Variants in FAM117A observed in about 807,000 individuals in gnomAD.
The protein encoded by FAM117A is protein FAM117A.
A neutral mutation model predicts 44.1 loss-of-function variants in FAM117A; 21 were observed. That is an observed-to-expected ratio of 0.48 (90% CI 0.34 to 0.69). The LOEUF is 0.69. Ranked by LOEUF, FAM117A falls within the 30% of genes least tolerant of loss-of-function variation. The pLI, the probability that FAM117A is intolerant of heterozygous loss-of-function variation, is 0.01. For missense variants in FAM117A, 498 were observed against 589.9 expected (o/e 0.84, Z 1.61); for synonymous variants, 220 against 238.3 (o/e 0.92, Z 0.71).
chr17:49,719,589 A>G (rs887323949), intron 5 of FAM117A, 171 bp downstream of exon 5: 2 of 812,716 alleles, frequency 2.5e-6, no homozygotes, highest in East Asian at 6.0e-5. Context: ...GGTTAAGGCC[A>G]TTTGAGACTA....
chr17:49,713,307 G>A (rs531108272), intron 7 of FAM117A, among the ~76,000 whole-genome samples: 1 of 152,304 alleles, frequency 6.6e-6, no homozygotes, highest in East Asian at 1.9e-4. Context: ...ATTCCTTACT[G>A]TATGGCCAAG....
chr17:49,735,812 A>C (rs1310220654), intron 1 of FAM117A, among the ~76,000 whole-genome samples: 1 of 152,148 alleles, frequency 6.6e-6, no homozygotes, highest in Non-Finnish European at 1.5e-5. Context: ...CAATTTGGAC[A>C]TCAAAAATGT....
At chr17:49,739,341 T>C (rs910722378) in intron 1 of FAM117A, among the ~76,000 whole-genome samples, 2 of 152,158 alleles carry the variant, frequency 1.3e-5, no homozygotes, top group Non-Finnish European at 2.9e-5. Context: ...CCATTTTTAA[T>C]GTCAAAGCCC....
upstream of FAM117A, among the ~76,000 whole-genome samples, chr17:49,764,556 G>C (rs1479184140): frequency 6.6e-6 from 1 of 152,170 alleles, no homozygotes; most frequent in East Asian, 1.9e-4. Context: ...GCGGGAGTAG[G>C]GAGCAGTGTC....
chr17:49,783,407 AT>A lies in FAM117A; in HGVS notation c.-621+5089del, dbSNP rs113094953. Among the ~76,000 whole-genome samples the A allele has an allele frequency of 8.8e-3, 1,297 of 147,538 alleles. 20 individuals are homozygous for A. The highest frequency in any genetic ancestry group is 0.029 in the African/African-American group (1,191 of 40,434). On this transcript the variant is annotated intron_variant, in intron 1 of 7. Transcript: ENST00000513602. ...CTGCTATTGAATCAAGATCAGAGTG[AT>A]TTTTTTTTTTAGCGATTTTCAAAAT...
intron 1 of FAM117A, among the ~76,000 whole-genome samples, chr17:49,745,290 C>T (rs2073650711): frequency 6.6e-6 from 1 of 152,154 alleles, no homozygotes; most frequent in South Asian, 2.1e-4. Flanking sequence ...CTCATGTCAA[C>T]ACTCACATCT....
At chr17:49,754,323 G>A (rs1430462399) in intron 1 of FAM117A, among the ~76,000 whole-genome samples, 2 of 149,000 alleles carry the variant, frequency 1.3e-5, no homozygotes, top group African/African-American at 2.5e-5. Flanking sequence ...TTTTTTTTTC[G>A]AGATGGAGTC....
intron 1 of FAM117A, among the ~76,000 whole-genome samples, chr17:49,749,575 CAAAAAAAAAAAAAA>C (rs1167215497): frequency 2.2e-5 from 1 of 45,862 alleles, no homozygotes; most frequent in Admixed American, 2.1e-4. Context: ...GACTCCGTCT[CAAAAAAAAAAAAAA>C]AAAAAAAAAA....
Position 49,764,078 on chromosome 17 carries a change from C to G in FAM117A, c.10G>C (p.Ala4Pro). 1.6e-6 allele frequency: 2 copies of G among 1,259,786 alleles called. No individual in the cohort carries two copies. The highest frequency in any genetic ancestry group is 2.0e-6 in the Non-Finnish European group (2 of 998,380). 78.0% of individuals were successfully genotyped at this position (1,259,786 alleles called of 1,614,324 possible). ...CCTCCGCCTCTGCCGCCCGCTGCGG[C>G]CCCCGCCATGGCTCTCCCGGCTGCC... Reference protein sequence around the residue: MAGAAAGGRGGGAW... With the variant: MAGPAAGGRGGGAW... Residue 4 changes from alanine to proline, a missense_variant, in exon 1 of 8, where the codon GCC becomes CCC. Physicochemically the swap from Ala to Pro is conservative, Grantham distance 27. This residue lies in a region of FAM117A where 270 missense variants were observed against 277.4 expected (regional missense o/e 0.97). Transcript: ENST00000240364.
intron 7 of FAM117A, among the ~76,000 whole-genome samples, chr17:49,712,753 A>C (rs1453752741): frequency 6.6e-6 from 1 of 152,162 alleles, no homozygotes; most frequent in East Asian, 1.9e-4. Context: ...TGTGATTTTC[A>C]AAACTTTGAG....
chr17:49,735,250 C>T (rs553796999), intron 1 of FAM117A, among the ~76,000 whole-genome samples: 85 of 152,162 alleles, frequency 5.6e-4, no homozygotes, highest in African/African-American at 2.0e-3. Context: ...ATTAGCCGGG[C>T]GTGGTGGTGC....
chr17:49,722,755 C>A (rs1391050435), intron 2 of FAM117A, among the ~76,000 whole-genome samples, 161 bp from the exon 3 acceptor site: 1 of 152,226 alleles, frequency 6.6e-6, no homozygotes, highest in Non-Finnish European at 1.5e-5. Flanking sequence ...GGCTTCTCCA[C>A]CTGCACTCCC....
chr17:49,776,108 CG>C (rs2073774952), intron 1 of FAM117A, among the ~76,000 whole-genome samples: 1 of 152,084 alleles, frequency 6.6e-6, no homozygotes, highest in Non-Finnish European at 1.5e-5. Context: ...ATGATGTAAC[CG>C]GCCATGTGCC....
intron 2 of FAM117A, among the ~76,000 whole-genome samples, chr17:49,730,525 G>A (rs549635112): frequency 1.3e-5 from 2 of 152,328 alleles, no homozygotes; most frequent in African/African-American, 4.8e-5. Context: ...GACAGAGGCA[G>A]AAATAGGTGG....
At chr17:49,763,173 C>A (rs1051085099) in intron 1 of FAM117A, among the ~76,000 whole-genome samples, 11 of 151,512 alleles carry the variant, frequency 7.3e-5, no homozygotes, top group African/African-American at 2.7e-4. Context: ...CGCTCGTACA[C>A]AAACGATGGT....
intron 1 of FAM117A, among the ~76,000 whole-genome samples, chr17:49,759,797 A>G (rs2073715859): frequency 6.6e-6 from 1 of 152,234 alleles, no homozygotes; most frequent in Admixed American, 6.5e-5. Flanking sequence ...TTCACGAAAC[A>G]GCCATCCTGG....
intron 3 of FAM117A, among the ~76,000 whole-genome samples, chr17:49,722,224 C>A (rs1324479568): frequency 6.6e-6 from 1 of 152,188 alleles, no homozygotes; most frequent in Admixed American, 6.5e-5. Flanking sequence ...GATCCAATCC[C>A]AAAGAACAAT....
At chr17:49,788,968 T>C (rs1598044352), upstream of FAM117A, 1 of 925,240 alleles carries the variant, frequency 1.1e-6, no homozygotes, top group East Asian at 3.1e-5. Flanking sequence ...CGAACCTTGT[T>C]CAGCTACCCT....
Position 49,763,886 on chromosome 17 carries a change from G to T in FAM117A, c.196+6C>A. ...TTCCACGGCACCCGCTCCAGGCCCG[G>T]CTCACCTGCACGGCCACCCCCGTCC... On this transcript the variant is annotated splice_donor_region_variant and intron_variant, in intron 1 of 7. Transcript: ENST00000240364. 1 of 1,116,462 alleles carries T rather than the reference G, an allele frequency of 9.0e-7. No homozygotes were observed. The highest frequency in any genetic ancestry group is 1.1e-6 in the Non-Finnish European group (1 of 916,210). 69.2% of individuals were successfully genotyped at this position (1,116,462 alleles called of 1,614,324 possible). A position where few individuals can be genotyped will look rare whatever the true frequency, so the allele number is the denominator to read the frequency against.
Sources: allele counts gnomAD v4.1 joint callset (sites outside exome capture counted in the v4.1 genomes callset), GRCh38; gene constraint gnomAD v4.1.1; regional missense constraint gnomAD v4.1.1; transcripts MANE v1.5; gene names NCBI Gene and HGNC (gene_info 2026-07-23, HGNC 2026-07-21).